Variants in RBFOX1 observed in about 807,000 individuals in gnomAD.
The protein encoded by RBFOX1 is RNA binding fox-1 homolog 1.
RBFOX1 carries 8 observed loss-of-function variants against 57.7 expected under a neutral mutation model. That is an observed-to-expected ratio of 0.14 (90% CI 0.08 to 0.25). The LOEUF (loss-of-function observed/expected upper bound fraction) is 0.25, where lower values mean the gene tolerates loss of function less well. RBFOX1 is among the 10% of genes least tolerant of loss of function. The pLI, the probability that RBFOX1 is intolerant of heterozygous loss-of-function variation, is 1.00. For missense variants in RBFOX1, 611 were observed against 548.5 expected (o/e 1.11, Z -1.14); for synonymous variants, 326 against 222.4 (o/e 1.47, Z -4.15).
intron 3 of RBFOX1, among the ~76,000 whole-genome samples, chr16:5,842,648 A>C (rs769701612): frequency 6.6e-6 from 1 of 152,208 alleles, no homozygotes; most frequent in Non-Finnish European, 1.5e-5. Flanking sequence ...AATGAGGTCC[A>C]TGCTCTTCCT....
chr16:5,689,450 T>C (rs1246202728), intron 3 of RBFOX1, among the ~76,000 whole-genome samples: 3 of 152,142 alleles, frequency 2.0e-5, no homozygotes, highest in African/African-American at 4.8e-5. Context: ...AAGCGGAGGA[T>C]AGGACTAGTT....
chr16:7,699,323 C>G (rs900119494), intron 14 of RBFOX1, among the ~76,000 whole-genome samples: 1 of 152,166 alleles, frequency 6.6e-6, no homozygotes, highest in Non-Finnish European at 1.5e-5. Context: ...TCCCTAGTAG[C>G]TGGGAGTACA....
In RBFOX1 at chr16:7,245,688, A is replaced by C. The variant is rs564963181; in HGVS notation, c.27+193590A>C. Among the ~76,000 whole-genome samples the C allele has an allele frequency of 4.6e-5, 7 of 152,340 alleles. No homozygotes were observed. The South Asian group carries it at 1.5e-3, about 32-fold the overall frequency. ...ATGTTTTTGTTTGTTTGTTTGTTGA[A>C]AGATGTTTGCCTGCTCACTTAAGGA... is the stretch of plus-strand genomic sequence containing the variant. On this transcript the variant is annotated intron_variant, in intron 4 of 15. Coordinates refer to ENST00000550418, the MANE Select transcript of RBFOX1 (RefSeq NM_018723.4).
At chr16:6,647,029 A>G (rs1356622483) in intron 2 of RBFOX1, among the ~76,000 whole-genome samples, 3 of 152,116 alleles carry the variant, frequency 2.0e-5, no homozygotes, top group African/African-American at 7.2e-5. Context: ...TCTGAACAGA[A>G]CATTTACTTT....
chr16:7,675,364 C>T (rs943969772), intron 13 of RBFOX1, among the ~76,000 whole-genome samples: 27 of 151,940 alleles, frequency 1.8e-4, no homozygotes, highest in African/African-American at 6.3e-4. Context: ...CTGGCTAAGA[C>T]CTCTTTTTGT....
Position 6,391,479 on chromosome 16 carries a change from C to T in RBFOX1, c.-64+74422C>T, listed in dbSNP as rs189123727. ...GAGCCGAGATCGCACCACTGCACTCCAGCCTGGGCAACAGAACAAGACTCC... is the reference window on the plus strand; with the variant it reads ...GAGCCGAGATCGCACCACTGCACTCTAGCCTGGGCAACAGAACAAGACTCC... On this transcript the variant is annotated intron_variant, in intron 2 of 15. Transcript: ENST00000550418. Among the ~76,000 whole-genome samples the T allele has an allele frequency of 2.0e-5, 3 of 147,332 alleles. No homozygotes were observed. In the East Asian group the frequency reaches 6.0e-4, roughly 29 times the overall value.
At chr16:7,013,679 A>G (rs2093761760) in intron 3 of RBFOX1, among the ~76,000 whole-genome samples, 1 of 152,172 alleles carries the variant, frequency 6.6e-6, no homozygotes, top group South Asian at 2.1e-4. Flanking sequence ...TTTTTAAGAG[A>G]GACTGTTTTT....
intron 3 of RBFOX1, among the ~76,000 whole-genome samples, chr16:5,696,884 A>G (rs1348408230): frequency 1.3e-5 from 2 of 152,068 alleles, no homozygotes; most frequent in African/African-American, 2.4e-5. Flanking sequence ...TTCTGTACAC[A>G]TATATACTTA....
intron 2 of RBFOX1, among the ~76,000 whole-genome samples, chr16:6,579,519 A>C (rs1269913637): frequency 6.6e-6 from 1 of 152,146 alleles, no homozygotes; most frequent in African/African-American, 2.4e-5. Flanking sequence ...GCGAGTTCTC[A>C]CAAAACCTAA....
intron 1 of RBFOX1, among the ~76,000 whole-genome samples, chr16:6,158,402 C>A (rs1438573898): frequency 1.3e-5 from 2 of 152,140 alleles, no homozygotes; most frequent in Non-Finnish European, 2.9e-5. Context: ...TAATGGCAGC[C>A]CGTTCCAGTC....
At chr16:6,587,663 C>G (rs888368454) in intron 2 of RBFOX1, among the ~76,000 whole-genome samples, 2 of 152,112 alleles carry the variant, frequency 1.3e-5, no homozygotes, top group Non-Finnish European at 2.9e-5. Context: ...TGAAAATCTA[C>G]TAGGGTAGAG....
In RBFOX1 at chr16:7,211,831, C is replaced by T. The variant is rs2091201203; in HGVS notation, c.27+159733C>T. Among the ~76,000 whole-genome samples, 5 of 152,146 alleles carry T rather than the reference C, an allele frequency of 3.3e-5. No individual in the cohort carries two copies. In the South Asian group the frequency reaches 1.0e-3, roughly 32 times the overall value. ...ATCTTCCTCTGGTTTATCCCCCGCC[C>T]TTAGCACGAGGTGGTTGCAGCGTTT... On this transcript the variant is annotated intron_variant, in intron 4 of 15. Transcript: ENST00000550418.
chr16:6,467,327 A>C (rs1489411543), intron 2 of RBFOX1, among the ~76,000 whole-genome samples: 1 of 152,000 alleles, frequency 6.6e-6, no homozygotes, highest in African/African-American at 2.4e-5. Flanking sequence ...GTTAACATAC[A>C]TACAGTGTTG....
chr16:5,646,540 A>C (rs986553466), intron 3 of RBFOX1, among the ~76,000 whole-genome samples: 2 of 152,130 alleles, frequency 1.3e-5, no homozygotes, highest in African/African-American at 2.4e-5. Context: ...CAGGAGGAGA[A>C]TGCAGAGGAG....
At chr16:5,965,547 G>C (rs1401789138) in intron 4 of RBFOX1, among the ~76,000 whole-genome samples, 2 of 152,058 alleles carry the variant, frequency 1.3e-5, no homozygotes, top group African/African-American at 4.8e-5. Flanking sequence ...AAAAGAACCA[G>C]GAAATGTTCT....
intron 4 of RBFOX1, among the ~76,000 whole-genome samples, chr16:5,927,374 C>A (rs531690843): frequency 1.1e-4 from 17 of 152,284 alleles, no homozygotes; most frequent in Admixed American, 1.1e-3. Flanking sequence ...ACTCTAGGCA[C>A]CAATGGCTTT....
intron 3 of RBFOX1, among the ~76,000 whole-genome samples, chr16:5,679,326 TTC>T (rs1001211157): frequency 6.6e-6 from 1 of 150,516 alleles, no homozygotes; most frequent in Non-Finnish European, 1.5e-5. Flanking sequence ...TGACCACCAA[TTC>T]TCTCTCTTTT....
intron 3 of RBFOX1, among the ~76,000 whole-genome samples, chr16:5,666,064 C>T (rs1051741486): frequency 6.6e-6 from 1 of 152,224 alleles, no homozygotes; most frequent in Admixed American, 6.5e-5. Context: ...GTCAGCTTCT[C>T]CACGTGTCTA....
chr16:6,371,035 C>G (rs77959467), intron 2 of RBFOX1, among the ~76,000 whole-genome samples: 6,839 of 152,180 alleles, frequency 0.045, 402 homozygotes, highest in African/African-American at 0.13. Context: ...GTAATAATGT[C>G]CTGTTTTTCC....
Sources: gnomAD v4.1 joint callset for allele counts (sites outside exome capture counted in the v4.1 genomes callset) on GRCh38, gnomAD v4.1.1 for gene constraint, MANE v1.5 for transcripts, NCBI Gene and HGNC (gene_info 2026-07-23, HGNC 2026-07-21) for gene names.